Variants in MAOA observed in about 807,000 individuals in gnomAD.
The protein encoded by MAOA is amine oxidase [flavin-containing] A.
In MAOA, 6 loss-of-function variants were observed where a neutral mutation model predicts 42.0. The ratio of observed to expected loss-of-function variants is 0.14; its 90% confidence interval spans 0.08 to 0.28. MAOA has a LOEUF of 0.28. Among genes scored for constraint, MAOA ranks in the 10% least tolerant of loss-of-function variants. The probability of loss-of-function intolerance (pLI) is 1.00; values close to 1 mark genes in which losing one functional copy is unlikely to be tolerated. For synonymous variants in MAOA, 140 were observed against 154.0 expected, an observed-to-expected ratio of 0.91 and a Z score of 0.67; for missense variants, 262 against 422.3, an observed-to-expected ratio of 0.62 and a Z score of 3.33.
chrX:43,744,542 G>A lies in MAOA; in HGVS notation c.*29G>A, dbSNP rs774701462. On this transcript the variant is annotated 3_prime_UTR_variant, in exon 15 of 15. Transcript: ENST00000338702. ...TCTGTTCTTATGCTCTCTGCTCACT[G>A]GTTTTCAATACCACCAAGAGGAAAA... 7 of 1,196,915 alleles carry A rather than the reference G, an allele frequency of 5.8e-6. No individual in the cohort carries two copies. The Admixed American group carries it at 1.5e-4, about 26-fold the overall frequency.
chrX:43,676,459 C>T (rs750145901), intron 1 of MAOA, among the ~76,000 whole-genome samples: 21 of 111,194 alleles, frequency 1.9e-4, no homozygotes, highest in Middle Eastern at 4.6e-3. Flanking sequence ...CACTGTCCTG[C>T]GCCCACTGTC....
At chrX:43,674,848 A>G (rs1218284076) in intron 1 of MAOA, among the ~76,000 whole-genome samples, 4 of 110,185 alleles carry the variant, frequency 3.6e-5, no homozygotes, top group Non-Finnish European at 1.9e-5. Flanking sequence ...CTTTGTGGGT[A>G]ACCCGACCTT....
chrX:43,663,309 C>G (rs1014567504), intron 1 of MAOA, among the ~76,000 whole-genome samples: 1 of 111,727 alleles, frequency 9.0e-6, no homozygotes, highest in Admixed American at 9.6e-5. Flanking sequence ...GTTTAAAACC[C>G]TTTTCTAGTT....
At chrX:43,707,695 G>T (rs1267489312) in intron 3 of MAOA, among the ~76,000 whole-genome samples, 1 of 112,120 alleles carries the variant, frequency 8.9e-6, no homozygotes, top group Non-Finnish European at 1.9e-5. Flanking sequence ...ATCATCAAAA[G>T]ATTCATCTTA....
chrX:43,721,864 G>A (rs2033792780), intron 5 of MAOA, among the ~76,000 whole-genome samples: 1 of 109,902 alleles, frequency 9.1e-6, no homozygotes, highest in Non-Finnish European at 1.9e-5. Flanking sequence ...GACAGGCCCT[G>A]GTGTGTGATG....
At chrX:43,740,560 A>T in intron 10 of MAOA, 121 bp from the exon 11 acceptor site, 1 of 551,671 alleles carries the variant, frequency 1.8e-6, no homozygotes. Flanking sequence ...CATGGATTTT[A>T]ATTTATCTGT....
At chrX:43,698,671 A>T (rs1039969670) in intron 3 of MAOA, among the ~76,000 whole-genome samples, 12 of 111,743 alleles carry the variant, frequency 1.1e-4, no homozygotes, top group African/African-American at 3.9e-4. Context: ...ACAGTAAATA[A>T]ATATTAGCTA....
chrX:43,699,695 C>T (rs780869251), intron 3 of MAOA, among the ~76,000 whole-genome samples: 1 of 110,263 alleles, frequency 9.1e-6, no homozygotes, highest in Non-Finnish European at 1.9e-5. Flanking sequence ...CAGCCCTTTA[C>T]TCCAGGTTTC....
intron 3 of MAOA, among the ~76,000 whole-genome samples, chrX:43,696,803 C>T (rs1371229133): frequency 3.6e-5 from 4 of 112,376 alleles, no homozygotes; most frequent in African/African-American, 9.7e-5. Context: ...CATTGTTAAC[C>T]TCTGGATCTT....
At chrX:43,734,850 T>A (rs189847244) in intron 9 of MAOA, among the ~76,000 whole-genome samples, 2 of 112,035 alleles carry the variant, frequency 1.8e-5, no homozygotes, top group East Asian at 5.6e-4. Flanking sequence ...CTGTAAAAAG[T>A]ATACAAGACA....
At chrX:43,735,094 A>G (rs927003557) in intron 9 of MAOA, among the ~76,000 whole-genome samples, 3 of 112,019 alleles carry the variant, frequency 2.7e-5, no homozygotes, top group Non-Finnish European at 5.6e-5. Flanking sequence ...CTGAAATACT[A>G]TTCTCTACAT....
chrX:43,735,880 A>G (rs187568505), intron 9 of MAOA, among the ~76,000 whole-genome samples: 101 of 113,232 alleles, frequency 8.9e-4, no homozygotes, highest in African/African-American at 2.8e-3. Context: ...TCCAGCTTTG[A>G]TAAAGTATTT....
intron 1 of MAOA, among the ~76,000 whole-genome samples, chrX:43,661,095 G>T (rs190429551): frequency 9.0e-6 from 1 of 111,645 alleles, no homozygotes. Context: ...AGCTTTGAAC[G>T]CATTTAAGGA....
chrX:43,672,937 G>T (rs2033351331), intron 1 of MAOA, among the ~76,000 whole-genome samples: 1 of 111,454 alleles, frequency 9.0e-6, no homozygotes, highest in South Asian at 3.8e-4. Context: ...TTGATATCAG[G>T]ATGATACGGG....
chrX:43,674,759 A>T (rs1284253806), intron 1 of MAOA, among the ~76,000 whole-genome samples: 9 of 110,715 alleles, frequency 8.1e-5, no homozygotes, highest in Admixed American at 1.9e-4. Context: ...TTCTTTAAGA[A>T]TGTTGAATAT....
Position 43,711,883 on chromosome X carries a change from T to C in MAOA, c.318T>C (p.Tyr106=), listed in dbSNP as rs751569965. 2.5e-6 allele frequency: 3 copies of C among 1,195,794 alleles called. No individual in the cohort carries two copies. Among genetic ancestry groups the C allele is most frequent in the Non-Finnish European group, 3.4e-6 (3 of 881,144 alleles). ...RLVQYVKGKT[Y]PFRGAFPPVW... is the part of the protein sequence containing the mutation. ...CTTTTATGTTCTAGGGGAAAACATATCCATTTCGGGGCGCCTTTCCACCAG... is the reference window on the plus strand; with the variant it reads ...CTTTTATGTTCTAGGGGAAAACATACCCATTTCGGGGCGCCTTTCCACCAG... The change falls in exon 4 of 15, where the codon TAT becomes TAC. Residue 106 remains tyrosine, a synonymous_variant. Coordinates refer to ENST00000338702, the MANE Select transcript of MAOA (RefSeq NM_000240.4).
intron 5 of MAOA, among the ~76,000 whole-genome samples, chrX:43,723,787 G>A (rs763583079): frequency 1.8e-5 from 2 of 111,797 alleles, no homozygotes; most frequent in Admixed American, 9.5e-5. Flanking sequence ...TCCAGTTTTT[G>A]CTCATTCAGT....
intron 5 of MAOA, among the ~76,000 whole-genome samples, chrX:43,717,057 A>G (rs1192248749): frequency 2.7e-5 from 3 of 110,492 alleles, no homozygotes; most frequent in African/African-American, 9.9e-5. Flanking sequence ...TTTTCCAGGT[A>G]TGACCCACAA....
intron 3 of MAOA, among the ~76,000 whole-genome samples, chrX:43,694,105 T>C (rs2033559211): frequency 9.0e-6 from 1 of 111,290 alleles, no homozygotes; most frequent in African/African-American, 3.3e-5. Context: ...AAACATGGAG[T>C]GGCTGGAGTC....
Sources: gnomAD v4.1 joint callset for allele counts (sites outside exome capture counted in the v4.1 genomes callset) on GRCh38, gnomAD v4.1.1 for gene constraint, MANE v1.5 for transcripts, NCBI Gene and HGNC (gene_info 2026-07-23, HGNC 2026-07-21) for gene names.